COMMD1: variants seen among roughly 807,000 people sequenced by gnomAD.
The protein encoded by COMMD1 is copper metabolism domain containing 1.
A neutral mutation model predicts 17.2 loss-of-function variants in COMMD1; 10 were observed. The ratio of observed to expected loss-of-function variants is 0.58; its 90% CI spans 0.36 to 0.99. The LOEUF (loss-of-function observed/expected upper bound fraction) is 0.99, where lower values mean the gene tolerates loss of function less well. Ranked by LOEUF, COMMD1 falls within the 50% of genes least tolerant of loss-of-function variation. COMMD1 has a pLI of 0.01. For missense variants in COMMD1, 270 were observed against 231.8 expected (o/e 1.17, Z -1.07); for synonymous variants, 97 against 91.6 (o/e 1.06, Z -0.34).
At chr2:62,023,763 GC>G (rs1195995798) in intron 2 of COMMD1, among the ~76,000 whole-genome samples, 3 of 152,176 alleles carry the variant, frequency 2.0e-5, no homozygotes, top group Non-Finnish European at 2.9e-5. Flanking sequence ...GGGATTACAG[GC>G]ATGAGCCACG....
intron 2 of COMMD1, among the ~76,000 whole-genome samples, chr2:62,117,099 C>T (rs1164779275): frequency 6.6e-6 from 1 of 152,000 alleles, no homozygotes; most frequent in Non-Finnish European, 1.5e-5. Context: ...TCCCTCTTTG[C>T]CCCCACACAT....
chr2:62,095,807 C>CATATGTATATATATATATATATAT (rs1671987340), intron 2 of COMMD1, among the ~76,000 whole-genome samples: 1 of 67,936 alleles, frequency 1.5e-5, no homozygotes, highest in African/African-American at 8.7e-5. Flanking sequence ...TCACAGCATG[C>CATATGTATATATATATATATATAT]ATATATATAT....
chr2:62,017,504 C>T (rs1225222181), intron 2 of COMMD1, among the ~76,000 whole-genome samples: 1 of 150,658 alleles, frequency 6.6e-6, no homozygotes, highest in Non-Finnish European at 1.5e-5. Context: ...CCTATCTCTA[C>T]AAAAAATTAA....
chr2:62,015,526 T>C (rs1669415407), intron 2 of COMMD1, among the ~76,000 whole-genome samples: 2 of 152,192 alleles, frequency 1.3e-5, no homozygotes, highest in Admixed American at 6.6e-5. Context: ...TTAATTCTTT[T>C]GGGTATATAC....
intron 1 of COMMD1, among the ~76,000 whole-genome samples, chr2:61,893,602 T>C (rs547788037): frequency 1.3e-5 from 2 of 152,162 alleles, no homozygotes; most frequent in Admixed American, 6.5e-5. Flanking sequence ...TAGCTTGAGG[T>C]CAGGAGTTCG....
rs113986227 is a variant in COMMD1 at position 62,016,553 on chromosome 2, A to G, written c.462+15571A>G. 2.8e-5 allele frequency among the ~76,000 whole-genome samples: 4 copies of G among 142,708 alleles called. 1 individual carries two copies. Among genetic ancestry groups the G allele is most frequent in the African/African-American group, 1.0e-4 (4 of 38,586 alleles). 93.6% of individuals were successfully genotyped at this position (142,708 alleles called of 152,430 possible). ...TACACCAAACACCTGAACTCATTTT[A>G]TGCACTTTTATTGTTTTTTTTGTTG... On this transcript the variant is annotated intron_variant, in intron 2 of 2. Transcript: ENST00000311832.
intron 2 of COMMD1, among the ~76,000 whole-genome samples, chr2:62,047,687 T>C (rs915311569): frequency 5.3e-5 from 8 of 152,098 alleles, no homozygotes; most frequent in African/African-American, 1.7e-4. Flanking sequence ...ACTCCTGACC[T>C]CGTGATCCAC....
chr2:62,012,213 C>T (rs1166460314), intron 2 of COMMD1, among the ~76,000 whole-genome samples: 2 of 151,460 alleles, frequency 1.3e-5, no homozygotes, highest in Admixed American at 6.6e-5. Flanking sequence ...GCCAAGATCA[C>T]GCCATTCCAC....
Position 62,000,847 on chromosome 2 carries a change from C to T in COMMD1, c.327C>T (p.Leu109=), listed in dbSNP as rs753427147. The T allele has an allele frequency of 6.2e-7, 1 of 1,614,164 alleles. No individual in the cohort carries two copies. The highest frequency in any genetic ancestry group is 2.2e-5 in the East Asian group (1 of 44,892). Residue 109 remains leucine, a synonymous_variant, in exon 2 of 3, where the codon CTC becomes CTT. Coordinates refer to ENST00000311832, the MANE Select transcript of COMMD1 (RefSeq NM_152516.4). ...ACAAGACAAAAATCCGTGAGAGCCT[C>T]ATGAACCAGAGCCGCTGGAATAGCG... ...KSHKTKIRES[L]MNQSRWNSGL... is the part of the protein sequence containing the mutation.
chr2:61,896,151 A>G lies in COMMD1; in HGVS notation n.119+7309A>G, dbSNP rs1291104122. Among the ~76,000 whole-genome samples the G allele has an allele frequency of 5.3e-5, 8 of 152,366 alleles. No homozygotes were observed. The East Asian group carries it at 1.3e-3, about 26-fold the overall frequency. ...AGACTCAGGTAAACATGACACCATCAAAGGAAACTGCTATGGTTTGAATAT... is the reference window on the plus strand; with the variant it reads ...AGACTCAGGTAAACATGACACCATCGAAGGAAACTGCTATGGTTTGAATAT... On this transcript the variant is annotated intron_variant and non_coding_transcript_variant, in intron 1 of 2. Transcript: ENST00000472729.
At chr2:62,013,101 A>C (rs1669333147) in intron 2 of COMMD1, among the ~76,000 whole-genome samples, 1 of 152,096 alleles carries the variant, frequency 6.6e-6, no homozygotes, top group Non-Finnish European at 1.5e-5. Flanking sequence ...GCCTTGATTC[A>C]CCTATGGAGA....
At chr2:62,106,903 A>G (rs1672338712) in intron 2 of COMMD1, among the ~76,000 whole-genome samples, 1 of 152,236 alleles carries the variant, frequency 6.6e-6, no homozygotes. Context: ...ACATGCTTGC[A>G]AGAGTAGCAA....
intron 2 of COMMD1, among the ~76,000 whole-genome samples, chr2:62,090,485 G>A (rs1353239320): frequency 2.0e-5 from 3 of 152,190 alleles, no homozygotes; most frequent in Non-Finnish European, 4.4e-5. Context: ...ATCCTGAGGA[G>A]GGTATAAATC....
chr2:62,041,757 T>G (rs1286515468), intron 2 of COMMD1, among the ~76,000 whole-genome samples: 1 of 152,218 alleles, frequency 6.6e-6, no homozygotes, highest in Non-Finnish European at 1.5e-5. Context: ...ATGGTGTGTC[T>G]GGAGTTCGTT....
At chr2:62,069,898 T>TCTATCAAAATGTGTTAATAG (rs1374405274) in intron 2 of COMMD1, 1 of 152,238 alleles carries the variant, frequency 6.6e-6, no homozygotes, top group Non-Finnish European at 1.5e-5. Context: ...ACAATTTAGA[T>TCTATCAAAATGTGTTAATAG]CTATCAAAAT....
chr2:62,019,227 G>A (rs999179599), intron 2 of COMMD1, among the ~76,000 whole-genome samples: 2 of 150,672 alleles, frequency 1.3e-5, no homozygotes, highest in African/African-American at 4.9e-5. Flanking sequence ...AGGCTGGAGT[G>A]CAATGGCGCG....
chr2:61,984,706 C>T (rs1436765971), intron 1 of COMMD1, among the ~76,000 whole-genome samples: 2 of 152,074 alleles, frequency 1.3e-5, no homozygotes, highest in Non-Finnish European at 2.9e-5. Flanking sequence ...TTAAATGTTT[C>T]TTTGTTGAAT....
intron 2 of COMMD1, among the ~76,000 whole-genome samples, chr2:62,035,660 G>T (rs1356660887): frequency 6.7e-6 from 1 of 150,354 alleles, no homozygotes; most frequent in Admixed American, 6.6e-5. Context: ...GATCTCTTGA[G>T]CCCAGGAGGT....
At chr2:62,108,452 G>A (rs1573195800) in intron 2 of COMMD1, among the ~76,000 whole-genome samples, 3 of 152,236 alleles carry the variant, frequency 2.0e-5, no homozygotes, top group Non-Finnish European at 4.4e-5. Context: ...AACAAAAAGT[G>A]GTAAATTGTA....
Sources: allele counts gnomAD v4.1 joint callset (sites outside exome capture counted in the v4.1 genomes callset), GRCh38; gene constraint gnomAD v4.1.1; transcripts MANE v1.5; gene names NCBI Gene and HGNC (gene_info 2026-07-23, HGNC 2026-07-21).